Variants in RNF13 observed in about 807,000 individuals in gnomAD.
The protein encoded by RNF13 is ring finger protein 13.
Under a neutral mutation model 37.7 loss-of-function variants are expected in RNF13, and 19 were observed. The observed-to-expected ratio is 0.50, with a 90% CI of 0.35 to 0.74. RNF13 has a LOEUF of 0.74. Among genes scored for constraint, RNF13 ranks in the 30% least tolerant of loss-of-function variants. The pLI is 0.01. For synonymous variants in RNF13, 144 were observed against 157.8 expected, an observed-to-expected ratio of 0.91 and a Z score of 0.65; for missense variants, 375 against 453.0, an observed-to-expected ratio of 0.83 and a Z score of 1.56.
intron 3 of RNF13, among the ~76,000 whole-genome samples, chr3:149,867,380 C>T (rs886717273): frequency 6.6e-6 from 1 of 151,844 alleles, no homozygotes; most frequent in African/African-American, 2.4e-5. Context: ...ATTCTCCTGC[C>T]TCAGCCTCCC....
chr3:149,876,769 A>ATT (rs1712748567), intron 4 of RNF13, among the ~76,000 whole-genome samples: 1 of 132,094 alleles, frequency 7.6e-6, no homozygotes, highest in African/African-American at 3.0e-5. Flanking sequence ...AAGTCATCAT[A>ATT]TCTTTTTTTT....
chr3:149,877,472 C>CTTTTTTTTTTTT (rs369676407), intron 4 of RNF13, among the ~76,000 whole-genome samples: 27 of 101,438 alleles, frequency 2.7e-4, no homozygotes, highest in East Asian at 5.7e-4. Context: ...TTCTTTCTGT[C>CTTTTTTTTTTTT]TTTTTTTTTT....
chr3:149,836,638 A>C (rs1721652957), intron 1 of RNF13, among the ~76,000 whole-genome samples: 1 of 152,110 alleles, frequency 6.6e-6, no homozygotes, highest in African/African-American at 2.4e-5. Flanking sequence ...AAAAAAAATC[A>C]AACGTAGAAT....
chr3:149,892,743 A>C (rs992812804), intron 4 of RNF13, among the ~76,000 whole-genome samples: 1 of 152,312 alleles, frequency 6.6e-6, no homozygotes, highest in East Asian at 1.9e-4. Context: ...CTGAGGTGGA[A>C]CAGTTTCATT....
At chr3:149,855,085 A>G (rs1383536162) in intron 3 of RNF13, among the ~76,000 whole-genome samples, 1 of 152,114 alleles carries the variant, frequency 6.6e-6, no homozygotes, top group African/African-American at 2.4e-5. Flanking sequence ...GCACTTTGGG[A>G]GGCCAAGGTG....
At chr3:149,894,903 G>A (rs1024384961) in intron 4 of RNF13, among the ~76,000 whole-genome samples, 11 of 152,034 alleles carry the variant, frequency 7.2e-5, no homozygotes, top group African/African-American at 2.7e-4. Context: ...AAAAAATTCT[G>A]CCACACATCC....
intron 4 of RNF13, among the ~76,000 whole-genome samples, chr3:149,879,124 CTTTTCACCTT>C (rs747829698): frequency 1.9e-4 from 29 of 152,228 alleles, no homozygotes; most frequent in Admixed American, 3.3e-4. Context: ...TTCGTTTTGA[CTTTTCACCTT>C]TTTGTGTTTT....
rs138875909 is a variant in RNF13 at position 149,895,514 on chromosome 3, T to A, written c.363T>A (p.Val121=). The part of the protein sequence containing the change: ...AQRAGYKAAI[V]HNVDSDDLIS... Reference sequence around the variant, plus strand: ...GAGCAGGATACAAGGCAGCCATAGTTCACAATGTTGATTCTGATGACCTCA... The same window carrying A: ...GAGCAGGATACAAGGCAGCCATAGTACACAATGTTGATTCTGATGACCTCA... Residue 121 remains valine (V), a synonymous_variant, in exon 5 of 10, where the codon GTT becomes GTA. Transcript: ENST00000392894. 2.1e-4 allele frequency: 336 copies of A among 1,610,030 alleles called. 1 individual carries two copies. The highest frequency in any genetic ancestry group is 2.6e-4 in the Non-Finnish European group (307 of 1,177,830).
At chr3:149,886,486 G>C (rs1323889530) in intron 4 of RNF13, among the ~76,000 whole-genome samples, 3 of 152,124 alleles carry the variant, frequency 2.0e-5, no homozygotes, top group Admixed American at 6.5e-5. Flanking sequence ...AGTTTTAGTA[G>C]TTTATTTGTG....
intron 3 of RNF13, among the ~76,000 whole-genome samples, chr3:149,857,937 G>A (rs1723818963): frequency 6.6e-6 from 1 of 152,160 alleles, no homozygotes; most frequent in Admixed American, 6.5e-5. Context: ...GGCCCAGTGG[G>A]AGGTGTTTGG....
At chr3:149,862,839 A>G (rs1231148905) in intron 3 of RNF13, among the ~76,000 whole-genome samples, 1 of 152,180 alleles carries the variant, frequency 6.6e-6, no homozygotes, top group East Asian at 1.9e-4. Flanking sequence ...AGGTACTTTT[A>G]TATACTGCTG....
At position 149,872,066 on chromosome 3, in the gene RNF13, A is replaced by AGGC. The variant is rs759619635; in HGVS notation, c.233_234insGGC (p.Glu78_Pro79insAla). ...AACTCAAAACCAGAGAATGCCTGTG[A>AGGC]ACCCATAGTGCCTCCACCAGTAAAA... On this transcript the variant is annotated inframe_insertion, in exon 4 of 10. Transcript: ENST00000392894. The AGGC allele has an allele frequency of 2.5e-6, 4 of 1,607,868 alleles. No homozygotes were observed. The highest frequency in any genetic ancestry group is 3.4e-6 in the Non-Finnish European group (4 of 1,177,916).
chr3:149,878,098 G>A (rs1182374629), intron 4 of RNF13, among the ~76,000 whole-genome samples: 2 of 152,128 alleles, frequency 1.3e-5, no homozygotes, highest in Non-Finnish European at 2.9e-5. Context: ...TGTAATGCCA[G>A]TAACTTTATT....
intron 2 of RNF13, among the ~76,000 whole-genome samples, chr3:149,847,546 C>T (rs1409328745): frequency 3.3e-5 from 5 of 151,962 alleles, no homozygotes; most frequent in South Asian, 2.1e-4. Flanking sequence ...GTAATCCATA[C>T]GAGATTTCTA....
intron 8 of RNF13, among the ~76,000 whole-genome samples, chr3:149,958,357 C>T (rs1309588259): frequency 1.3e-5 from 2 of 152,160 alleles, no homozygotes; most frequent in Non-Finnish European, 2.9e-5. Flanking sequence ...TGACTTGTGA[C>T]CCTTCTTCCC....
intron 1 of RNF13, among the ~76,000 whole-genome samples, chr3:149,836,590 G>A (rs972892890): frequency 1.3e-5 from 2 of 151,964 alleles, no homozygotes; most frequent in Non-Finnish European, 2.9e-5. Flanking sequence ...GTAAAATGGT[G>A]CAGCCACTTT....
At chr3:149,874,332 T>A (rs1370444334) in intron 4 of RNF13, among the ~76,000 whole-genome samples, 2 of 152,182 alleles carry the variant, frequency 1.3e-5, no homozygotes, top group African/African-American at 4.8e-5. Flanking sequence ...AAACAGACTG[T>A]ATACATTTCA....
chr3:149,850,921 A>C (rs1458547577), intron 2 of RNF13, among the ~76,000 whole-genome samples: 2 of 152,220 alleles, frequency 1.3e-5, no homozygotes, highest in Non-Finnish European at 2.9e-5. Context: ...GTACTCTGCA[A>C]ATATGAATTA....
In RNF13 at chr3:149,957,170, A is replaced by T. The variant is rs549546651; in HGVS notation, c.701-2886A>T. ...AATGTAATTGTAAATCCACTCAACA[A>T]TTGATGTTGGACCACAGCCTTTTGA... On this transcript the variant is annotated intron_variant, in intron 8 of 9. Coordinates refer to ENST00000392894, the MANE Select transcript of RNF13 (RefSeq NM_183381.3). 2.6e-5 allele frequency among the ~76,000 whole-genome samples: 4 copies of T among 152,304 alleles called. No homozygotes were observed. The East Asian group carries it at 7.7e-4, about 29-fold the overall frequency.
Sources: allele counts gnomAD v4.1 joint callset (sites outside exome capture counted in the v4.1 genomes callset), GRCh38; gene constraint gnomAD v4.1.1; transcripts MANE v1.5; gene names NCBI Gene and HGNC (gene_info 2026-07-23, HGNC 2026-07-21).